PCDHGA4: variants seen among roughly 807,000 people sequenced by gnomAD.
PCDHGA4 encodes the protein protocadherin gamma-A4.
In PCDHGA4, 38 loss-of-function variants were observed where a neutral mutation model predicts 54.6. The ratio of observed to expected loss-of-function variants is 0.70; its 90% CI spans 0.54 to 0.91. PCDHGA4 has a LOEUF of 0.91. PCDHGA4 is among the 40% of genes least tolerant of loss of function. The pLI is 0.00. For missense variants in PCDHGA4, 1,298 were observed against 1,220.9 expected (o/e 1.06, Z -0.94); for synonymous variants, 511 against 512.9 (o/e 1.00, Z 0.05).
chr5:141,509,350 G>C (rs2099876432), intron 3 of PCDHGA4, among the ~76,000 whole-genome samples: 5 of 152,142 alleles, frequency 3.3e-5, no homozygotes. Flanking sequence ...GGGCTGGCCT[G>C]GGCATCCCTG....
intron 1 of PCDHGA4, chr5:141,385,218 C>G (rs765263628): frequency 6.2e-7 from 1 of 1,614,234 alleles, no homozygotes; most frequent in South Asian, 1.1e-5. Flanking sequence ...TCCCCCAGCC[C>G]AACTATGTAG....
chr5:141,389,899 A>G (rs1328617262), intron 1 of PCDHGA4: 1 of 1,614,032 alleles, frequency 6.2e-7, no homozygotes, highest in South Asian at 1.1e-5. Flanking sequence ...GTGCTGCCGG[A>G]TATCACTGAC....
At chr5:141,364,096 G>A in intron 1 of PCDHGA4, 1 of 400,034 alleles carries the variant, frequency 2.5e-6, no homozygotes, top group Non-Finnish European at 4.4e-6. Context: ...GGAATTTGAT[G>A]CAGTCACTGG....
Position 141,428,007 on chromosome 5 carries a change from A to T in PCDHGA4, c.2515-66800A>T, listed in dbSNP as rs770851074. 9.4e-6 allele frequency: 15 copies of T among 1,602,018 alleles called. No individual in the cohort carries two copies. In the African/African-American group the frequency reaches 1.5e-4, roughly 16 times the overall value. ...GCCCGATGGCTCCGCACTCTTCGAT[A>T]TAGTGCCACGCGCCGCAGAGTCCGG... On this transcript the variant is annotated intron_variant, in intron 1 of 3. Coordinates refer to ENST00000571252, the MANE Select transcript of PCDHGA4 (RefSeq NM_018917.4).
intron 1 of PCDHGA4, among the ~76,000 whole-genome samples, chr5:141,397,514 A>G (rs537343615): frequency 1.3e-5 from 2 of 152,324 alleles, no homozygotes; most frequent in Non-Finnish European, 2.9e-5. Context: ...TTGTTTCCAT[A>G]GCTAATAAAA....
chr5:141,383,272 G>T (rs369691483), intron 1 of PCDHGA4: 13 of 1,613,802 alleles, frequency 8.1e-6, no homozygotes, highest in African/African-American at 1.3e-5. Flanking sequence ...GGAAATAATA[G>T]ATATTAATGA....
At position 141,486,243 on chromosome 5, in the gene PCDHGA4, G is replaced by A. The variant is rs754924567; in HGVS notation, c.2515-8564G>A. 18 of 1,614,156 alleles carry A rather than the reference G, an allele frequency of 1.1e-5. No individual in the cohort carries two copies. The highest frequency in any genetic ancestry group is 1.4e-5 in the Non-Finnish European group (16 of 1,180,018). ...TACATCACAGTGACCTCAGAGCTTG[G>A]AACCCTCCCCGAGAGTGCAGAACCT... On this transcript the variant is annotated intron_variant, in intron 1 of 3. Coordinates refer to ENST00000571252, the MANE Select transcript of PCDHGA4 (RefSeq NM_018917.4). This position sits in a 1 kb window ranked among gnomAD's most constrained non-coding sequence, Gnocchi z 5.0.
intron 1 of PCDHGA4, among the ~76,000 whole-genome samples, chr5:141,474,163 T>A (rs958292802): frequency 2.0e-5 from 3 of 152,178 alleles, no homozygotes; most frequent in Non-Finnish European, 2.9e-5. Flanking sequence ...ATGACAGGCC[T>A]TATTATTGAG....
chr5:141,415,077 A>C, intron 1 of PCDHGA4: 2 of 1,613,468 alleles, frequency 1.2e-6, no homozygotes, highest in Non-Finnish European at 1.7e-6. Flanking sequence ...GCACGGCGCG[A>C]GCCCTGCTGG....
chr5:141,403,961 G>T (rs763967342), intron 1 of PCDHGA4: 14 of 1,613,774 alleles, frequency 8.7e-6, no homozygotes, highest in Middle Eastern at 1.6e-4. Context: ...GCTCATTTCG[G>T]TGGAAGATGT....
At chr5:141,372,766 A>G in intron 1 of PCDHGA4, 1 of 1,611,952 alleles carries the variant, frequency 6.2e-7, no homozygotes, top group Non-Finnish European at 8.5e-7. Flanking sequence ...TTTGAAAGTA[A>G]TGACAATCCA....
At position 141,477,896 on chromosome 5, in the gene PCDHGA4, G is replaced by A. The variant is rs1444527086; in HGVS notation, c.2515-16911G>A. 2 of 1,614,174 alleles carry A rather than the reference G, an allele frequency of 1.2e-6. No individual in the cohort carries two copies. Among genetic ancestry groups the A allele is most frequent in the Non-Finnish European group, 1.7e-6 (2 of 1,180,038 alleles). ...AGCTGGCCACCTAGTGTCACGGGTG[G>A]TAGGCTGGGACGCGGATGCAGGGCA... On this transcript the variant is annotated intron_variant, in intron 1 of 3. Coordinates refer to ENST00000571252, the MANE Select transcript of PCDHGA4 (RefSeq NM_018917.4). The surrounding 1 kb of genome is among the most constrained non-coding windows in gnomAD (Gnocchi z 4.9).
chr5:141,375,038 G>A (rs1771073387), intron 1 of PCDHGA4: 1 of 1,614,038 alleles, frequency 6.2e-7, no homozygotes, highest in Non-Finnish European at 8.5e-7. Context: ...TGAGCTGGGT[G>A]TTGAAGCCCG....
intron 2 of PCDHGA4, among the ~76,000 whole-genome samples, chr5:141,502,686 C>T (rs2099815631): frequency 6.6e-6 from 1 of 152,136 alleles, no homozygotes; most frequent in Admixed American, 6.5e-5. Flanking sequence ...CCCTGATGAT[C>T]CTTGCCTGTA....
chr5:141,419,705 C>A, intron 1 of PCDHGA4: 1 of 1,613,038 alleles, frequency 6.2e-7, no homozygotes, highest in South Asian at 1.1e-5. Flanking sequence ...TGAGCCCGGG[C>A]TCTTCAGCCT....
At chr5:141,464,407 A>C (rs996561936) in intron 1 of PCDHGA4, among the ~76,000 whole-genome samples, 1 of 151,544 alleles carries the variant, frequency 6.6e-6, no homozygotes, top group Non-Finnish European at 1.5e-5. Flanking sequence ...CCTGAGATAT[A>C]TATATATCTA....
chr5:141,415,657 G>A, intron 1 of PCDHGA4: 1 of 1,576,236 alleles, frequency 6.3e-7, no homozygotes, highest in Non-Finnish European at 8.6e-7. Flanking sequence ...AAAAAAGATT[G>A]GTTTTTACTT....
chr5:141,484,096 G>A (rs539388257), intron 1 of PCDHGA4, among the ~76,000 whole-genome samples: 1 of 152,126 alleles, frequency 6.6e-6, no homozygotes, highest in South Asian at 2.1e-4. Flanking sequence ...GTCTTCGTTG[G>A]TAATTAACAA....
chr5:141,363,088 T>C (rs1762804335), intron 1 of PCDHGA4, among the ~76,000 whole-genome samples: 1 of 152,248 alleles, frequency 6.6e-6, no homozygotes, highest in Non-Finnish European at 1.5e-5. Context: ...AATGTATTTC[T>C]AAAGGACAGG....
Sources: allele counts gnomAD v4.1 joint callset (sites outside exome capture counted in the v4.1 genomes callset), GRCh38; gene constraint gnomAD v4.1.1; non-coding constraint Gnocchi (gnomAD v3.1); transcripts MANE v1.5; gene names NCBI Gene and HGNC (gene_info 2026-07-23, HGNC 2026-07-21).